UBR1: variants seen among roughly 807,000 people sequenced by gnomAD.
UBR1 encodes ubiquitin protein ligase E3 component n-recognin 1, also known as E3 ubiquitin-protein ligase UBR1.
Under a neutral mutation model 242.1 loss-of-function variants are expected in UBR1, and 102 were observed. That is an observed-to-expected ratio of 0.42 (90% CI 0.36 to 0.50). The LOEUF (loss-of-function observed/expected upper bound fraction) is 0.50, where lower values mean the gene tolerates loss of function less well. UBR1 is among the 20% of genes least tolerant of loss of function. The pLI is 0.01. For synonymous variants in UBR1, 675 were observed against 684.8 expected, an observed-to-expected ratio of 0.99 and a Z score of 0.22; for missense variants, 1,772 against 2,101.8, an observed-to-expected ratio of 0.84 and a Z score of 3.07.
In UBR1 at chr15:43,007,289, C is replaced by T. The variant is rs941781701; in HGVS notation, c.3210-5G>A. 2 of 1,613,782 alleles carry T rather than the reference C, an allele frequency of 1.2e-6. No homozygotes were observed. The highest frequency in any genetic ancestry group is 1.7e-6 in the Non-Finnish European group (2 of 1,179,910). Reference sequence around the variant, plus strand: ...TAGTCACTGACTGCTGGGGTGCTACCAAAAGAAATGATCAGAAATGAGGAC... The same window carrying T: ...TAGTCACTGACTGCTGGGGTGCTACTAAAAGAAATGATCAGAAATGAGGAC... On this transcript the variant is annotated splice_polypyrimidine_tract_variant and splice_region_variant and intron_variant, in intron 29 of 46. Coordinates refer to ENST00000290650, the MANE Select transcript of UBR1 (RefSeq NM_174916.3).
chr15:43,005,801 C>A (rs1039829547), intron 30 of UBR1, among the ~76,000 whole-genome samples: 61 of 151,208 alleles, frequency 4.0e-4, no homozygotes, highest in African/African-American at 1.5e-3. Flanking sequence ...CAACCCCGTG[C>A]TCTCTGAAAC....
In UBR1 at chr15:43,037,762, CTT is replaced by C. The variant is rs1164570213; in HGVS notation, c.2022+9_2022+10del. The C allele has an allele frequency of 7.4e-6, 12 of 1,611,890 alleles. No homozygotes were observed. Among genetic ancestry groups the C allele is most frequent in the Non-Finnish European group, 7.6e-6 (9 of 1,178,176 alleles). On this transcript the variant is annotated intron_variant, in intron 17 of 46. Coordinates refer to ENST00000290650, the MANE Select transcript of UBR1 (RefSeq NM_174916.3). ...CACATTCATAAATATGAATAATAGA[CTT>C]TGCTGTACCTGGCTAATAAGAGACA... is the stretch of plus-strand genomic sequence containing the variant.
chr15:43,073,783 G>A (rs1238759956), intron 4 of UBR1, among the ~76,000 whole-genome samples: 4 of 152,078 alleles, frequency 2.6e-5, no homozygotes, highest in Non-Finnish European at 4.4e-5. Context: ...TGGGTCCTAC[G>A]TTCTTTTGCA....
intron 15 of UBR1, 109 bp downstream of exon 15, chr15:43,043,106 G>T: frequency 8.2e-7 from 1 of 1,221,750 alleles, no homozygotes; most frequent in Non-Finnish European, 1.2e-6. Context: ...TCTGACCTGA[G>T]CATGTCTGTA....
rs1165091484 is a variant in UBR1, at chr15:42,944,278, C to T, written c.*1051G>A. Reference sequence around the variant, plus strand: ...ATTTATAAACAAGATGGCTCAACCACAGCATGTTATAACAGGACACAGACT... The same window carrying T: ...ATTTATAAACAAGATGGCTCAACCATAGCATGTTATAACAGGACACAGACT... On this transcript the variant is annotated 3_prime_UTR_variant, in exon 47 of 47. Coordinates refer to ENST00000290650, the MANE Select transcript of UBR1 (RefSeq NM_174916.3). The T allele has an allele frequency of 6.6e-6, 1 of 152,610 alleles. No individual in the cohort carries two copies. Among genetic ancestry groups the T allele is most frequent in the Non-Finnish European group, 1.5e-5 (1 of 68,034 alleles). 9.5% of individuals were successfully genotyped at this position (152,610 alleles called of 1,614,324 possible).
At chr15:43,038,075 A>C (rs2033360622) in intron 16 of UBR1, 96 bp downstream of exon 16, 1 of 1,402,174 alleles carries the variant, frequency 7.1e-7, no homozygotes, top group African/African-American at 1.4e-5. Context: ...GGAATTCCTC[A>C]GGTGGGTTTC....
intron 35 of UBR1, among the ~76,000 whole-genome samples, chr15:42,988,269 ATGTGTGTG>A (rs112501912): frequency 4.7e-4 from 70 of 147,888 alleles, no homozygotes; most frequent in African/African-American, 1.4e-3. Context: ...AAAGGAATAT[ATGTGTGTG>A]TGTGTGTGTG....
At chr15:42,974,051 G>A (rs2032249921) in intron 39 of UBR1, among the ~76,000 whole-genome samples, 1 of 151,780 alleles carries the variant, frequency 6.6e-6, no homozygotes, top group African/African-American at 2.4e-5. Flanking sequence ...ACCACGCCCA[G>A]CTAATTTTTT....
At chr15:43,011,309 T>A (rs997976502) in intron 29 of UBR1, among the ~76,000 whole-genome samples, 21 of 152,200 alleles carry the variant, frequency 1.4e-4, no homozygotes, top group African/African-American at 5.1e-4. Context: ...TTTGTCTTTA[T>A]CAACACTGCA....
At chr15:43,062,077 T>C (rs1441497834) in intron 6 of UBR1, among the ~76,000 whole-genome samples, 1 of 152,024 alleles carries the variant, frequency 6.6e-6, no homozygotes, top group East Asian at 1.9e-4. Flanking sequence ...GAAAACAAAA[T>C]GGTGGTTCCT....
chr15:42,978,477 T>C (rs963811182), intron 37 of UBR1, among the ~76,000 whole-genome samples: 1 of 152,160 alleles, frequency 6.6e-6, no homozygotes, highest in African/African-American at 2.4e-5. Flanking sequence ...CTACTTAATC[T>C]TTCTAATCTG....
intron 6 of UBR1, among the ~76,000 whole-genome samples, chr15:43,062,671 G>A (rs1383868205): frequency 6.6e-6 from 1 of 152,124 alleles, no homozygotes; most frequent in Non-Finnish European, 1.5e-5. Flanking sequence ...GAAGGCAGCG[G>A]TGTGATCAAA....
intron 1 of UBR1, among the ~76,000 whole-genome samples, chr15:43,089,783 T>C (rs778948015): frequency 4.6e-5 from 7 of 151,966 alleles, no homozygotes; most frequent in Non-Finnish European, 7.4e-5. Context: ...CTAATTCCAA[T>C]CATGAGAAAA....
intron 40 of UBR1, among the ~76,000 whole-genome samples, chr15:42,970,170 A>T (rs2032180416): frequency 6.6e-6 from 1 of 152,198 alleles, no homozygotes. Flanking sequence ...AACAGAACAG[A>T]GGCCTCAGAA....
intron 5 of UBR1, among the ~76,000 whole-genome samples, chr15:43,068,384 G>A (rs929090052): frequency 2.6e-5 from 4 of 151,402 alleles, no homozygotes; most frequent in African/African-American, 9.7e-5. Context: ...GAGATGCTTC[G>A]CCATTTTCTC....
chr15:42,965,405 G>C (rs556358033), intron 41 of UBR1, among the ~76,000 whole-genome samples: 98 of 152,116 alleles, frequency 6.4e-4, no homozygotes, highest in African/African-American at 2.3e-3. Context: ...GCATGGCCTA[G>C]GTTGGTTCTA....
In UBR1 at chr15:42,958,033, CA is replaced by C; in HGVS notation, c.4814del (p.Leu1605ArgfsTer41). ...IELPDDYSCLLNQASHFRCPR... is the reference protein window; with the variant it reads ...IELPDDYSCLXNQASHFRCPR... ...CTTACCTGAAATGAGAAGCTTGATT[CA>C]GGAGGCAGCTATAGTCATCAGGAAG... is the stretch of plus-strand genomic sequence containing the variant. On this transcript the variant is annotated frameshift_variant, in exon 44 of 47. Transcript: ENST00000290650. LOFTEE classifies it high-confidence loss of function. The C allele has an allele frequency of 6.2e-7, 1 of 1,613,426 alleles. No homozygotes were observed. The highest frequency in any genetic ancestry group is 8.5e-7 in the Non-Finnish European group (1 of 1,179,690).
chr15:43,038,012 T>A (rs1860578346), intron 16 of UBR1, 129 bp from the exon 17 acceptor site: 1 of 1,183,134 alleles, frequency 8.5e-7, no homozygotes, highest in Admixed American at 2.0e-5. Context: ...GACGTCTAAG[T>A]CCCTGTGACT....
chr15:43,044,005 T>A (rs934524662), intron 14 of UBR1, among the ~76,000 whole-genome samples: 1 of 152,040 alleles, frequency 6.6e-6, no homozygotes, highest in African/African-American at 2.4e-5. Context: ...TAAAAGAATA[T>A]GCATAATTTA....
Sources: gnomAD v4.1 joint callset for allele counts (sites outside exome capture counted in the v4.1 genomes callset) on GRCh38, gnomAD v4.1.1 for gene constraint, MANE v1.5 for transcripts, NCBI Gene and HGNC (gene_info 2026-07-23, HGNC 2026-07-21) for gene names.